The following COPB1 variants were observed in gnomAD, a reference collection of about 807,000 sequenced individuals.
COPB1 encodes coat protein complex I subunit beta 1.
Under a neutral mutation model 108.7 loss-of-function variants are expected in COPB1, and 21 were observed. The ratio of observed to expected loss-of-function variants is 0.19; its 90% CI spans 0.14 to 0.28. COPB1 has a LOEUF of 0.28. COPB1 is among the 10% of genes least tolerant of loss of function. The pLI is 1.00. For missense variants in COPB1, 919 were observed against 1,141.3 expected, an observed-to-expected ratio of 0.81 and a Z score of 2.81; for synonymous variants, 378 against 386.8, an observed-to-expected ratio of 0.98 and a Z score of 0.27.
At chr11:14,466,879 C>T (rs1850293870) in intron 16 of COPB1, among the ~76,000 whole-genome samples, 1 of 152,054 alleles carries the variant, frequency 6.6e-6, no homozygotes, top group Admixed American at 6.5e-5. Flanking sequence ...GCCCTTGCTC[C>T]ACAAACTGAG....
In COPB1 at chr11:14,477,389, C is replaced by CAAAAAAAA. The variant is rs61014253; in HGVS notation, c.1359-382_1359-375dup. Among the ~76,000 whole-genome samples the CAAAAAAAA allele has an allele frequency of 7.9e-3, 578 of 73,132 alleles. 2 individuals carry two copies. Among genetic ancestry groups the CAAAAAAAA allele is most frequent in the African/African-American group, 0.011 (205 of 18,778 alleles). 48.0% of individuals were successfully genotyped at this position (73,132 alleles called of 152,430 possible). A position where few individuals can be genotyped will look rare whatever the true frequency, so the allele number is the denominator to read the frequency against. On this transcript the variant is annotated intron_variant, in intron 11 of 21. Transcript: ENST00000439561. ...TGGGTGACAGAGCGAGACTCCGTCT[C>CAAAAAAAA]AAAAAAAAAAAAAAAACAAGGGCCA...
chr11:14,476,762 CT>C (rs10612229), intron 12 of COPB1, among the ~76,000 whole-genome samples, 156 bp downstream of exon 12: 84,544 of 131,020 alleles, frequency 0.65, 26,460 homozygotes, highest in East Asian at 0.69. Context: ...GCTACTGCTT[CT>C]TTTTTTTTTT....
chr11:14,490,376 T>TACA (rs1850870725), intron 5 of COPB1, among the ~76,000 whole-genome samples, 189 bp downstream of exon 5: 1 of 152,172 alleles, frequency 6.6e-6, no homozygotes, highest in Non-Finnish European at 1.5e-5. Flanking sequence ...AAAGAATGTA[T>TACA]ACATATGCAA....
At chr11:14,492,980 T>C (rs1038203249) in intron 4 of COPB1, among the ~76,000 whole-genome samples, 2 of 151,972 alleles carry the variant, frequency 1.3e-5, no homozygotes, top group African/African-American at 4.8e-5. Flanking sequence ...ACCCCATATC[T>C]ACTAAAAATA....
chr11:14,479,454 G>T, intron 11 of COPB1, 115 bp downstream of exon 11: 1 of 946,068 alleles, frequency 1.1e-6, no homozygotes, highest in Non-Finnish European at 1.5e-6. Context: ...GTACAAACTT[G>T]TCTTATTTTG....
At chr11:14,458,400 C>G (rs373893316) in intron 21 of COPB1, 132 bp downstream of exon 21, 1 of 839,010 alleles carries the variant, frequency 1.2e-6, no homozygotes. Context: ...TACTTCTATT[C>G]AGAGTATATT....
intron 4 of COPB1, among the ~76,000 whole-genome samples, chr11:14,492,480 A>G (rs1355910618): frequency 1.3e-5 from 2 of 152,088 alleles, no homozygotes; most frequent in African/African-American, 4.8e-5. Context: ...AGTAGCTAGG[A>G]CTACAGGCAT....
intron 5 of COPB1, 38 bp from the exon 6 acceptor site, chr11:14,488,622 C>T: frequency 7.3e-7 from 1 of 1,377,862 alleles, no homozygotes; most frequent in Non-Finnish European, 1.0e-6. Context: ...TTCTCCACCT[C>T]ATTCAATAGA....
chr11:14,479,509 A>G, intron 11 of COPB1, 60 bp downstream of exon 11: 2 of 1,497,450 alleles, frequency 1.3e-6, no homozygotes, highest in Non-Finnish European at 1.8e-6. Flanking sequence ...CTGACCCTTT[A>G]AAGATAAAAA....
chr11:14,489,006 A>C (rs1010608028), intron 5 of COPB1, among the ~76,000 whole-genome samples: 5 of 152,206 alleles, frequency 3.3e-5, no homozygotes, highest in African/African-American at 1.2e-4. Flanking sequence ...CAGTAAAAGT[A>C]TCAATAAATT....
At chr11:14,482,247 A>C (rs373186818) in intron 8 of COPB1, among the ~76,000 whole-genome samples, 33 of 152,300 alleles carry the variant, frequency 2.2e-4, no homozygotes, top group African/African-American at 7.0e-4. Context: ...ATCTGTCCCA[A>C]TAATGTCCTT....
intron 14 of COPB1, among the ~76,000 whole-genome samples, chr11:14,471,951 T>C (rs1293680430): frequency 6.6e-6 from 1 of 152,078 alleles, no homozygotes; most frequent in African/African-American, 2.4e-5. Flanking sequence ...GATCAAGCTG[T>C]TAGTCTCCAA....
chr11:14,474,182 T>C (rs989671914), intron 14 of COPB1: 2 of 184,182 alleles, frequency 1.1e-5, no homozygotes, highest in Non-Finnish European at 2.3e-5. Flanking sequence ...GAGAAGGACA[T>C]TTCCTTCACT....
In COPB1 at chr11:14,490,651, G is replaced by A; in HGVS notation, c.520C>T (p.Pro174Ser). Residue 174 changes from proline (P) to serine (S), a missense_variant, in exon 5 of 22, where the codon CCT (proline) becomes TCT (serine). Around this residue, in one of 5 missense-constraint regions of COPB1, gnomAD observed 78 missense variants for 95.4 expected, o/e 0.82. Coordinates refer to ENST00000439561, the MANE Select transcript of COPB1 (RefSeq NM_001144061.2). Reference protein sequence around the residue: ...RNFEHLIPDAPELIHDFLVNE... With the variant: ...RNFEHLIPDASELIHDFLVNE... ...ACCAGAAAATCATGTATCAGTTCAGGAGCATCAGGTATAAGATGTTCAAAA... is the reference window on the plus strand; with the variant it reads ...ACCAGAAAATCATGTATCAGTTCAGAAGCATCAGGTATAAGATGTTCAAAA... 3 of 1,611,794 alleles carry A rather than the reference G, an allele frequency of 1.9e-6. No homozygotes were observed. Among genetic ancestry groups the A allele is most frequent in the Non-Finnish European group, 2.5e-6 (3 of 1,178,958 alleles).
chr11:14,486,211 A>C (rs1400722105), intron 7 of COPB1, among the ~76,000 whole-genome samples, 156 bp downstream of exon 7: 1 of 152,248 alleles, frequency 6.6e-6, no homozygotes, highest in Non-Finnish European at 1.5e-5. Context: ...GAAAAGAAGG[A>C]AGGCTGAACA....
chr11:14,470,229 C>CT (rs1850369907), intron 14 of COPB1, among the ~76,000 whole-genome samples: 1 of 152,158 alleles, frequency 6.6e-6, no homozygotes, highest in African/African-American at 2.4e-5. Flanking sequence ...ATCGCACTAA[C>CT]TTTTTTAAAG....
chr11:14,486,606 T>C, intron 6 of COPB1, 102 bp from the exon 7 acceptor site: 1 of 1,410,838 alleles, frequency 7.1e-7, no homozygotes, highest in Non-Finnish European at 9.7e-7. Context: ...GTTTTCTCAA[T>C]ATGAAAGCTA....
chr11:14,497,652 A>C (rs1851052986), intron 2 of COPB1, among the ~76,000 whole-genome samples: 2 of 152,170 alleles, frequency 1.3e-5, no homozygotes, highest in Admixed American at 1.3e-4. Context: ...AAAAACTAAA[A>C]ACAGGGGTAC....
rs183178329 is a variant in COPB1, at chr11:14,458,171, C to T, written c.2803-288G>A. Among the ~76,000 whole-genome samples the T allele has an allele frequency of 1.8e-3, 264 of 150,562 alleles. 1 individual carries two copies. Among genetic ancestry groups the T allele is most frequent in the African/African-American group, 6.1e-3 (251 of 40,818 alleles). ...CTCAGCTCACTGCAACCTCCACCTC[C>T]CGGGTTCAAGCAATTCTCCTGCCTC... On this transcript the variant is annotated intron_variant, in intron 21 of 21. Coordinates refer to ENST00000439561, the MANE Select transcript of COPB1 (RefSeq NM_001144061.2).
Sources: gnomAD v4.1 joint callset for allele counts (sites outside exome capture counted in the v4.1 genomes callset) on GRCh38, gnomAD v4.1.1 for gene constraint, gnomAD v4.1.1 regional missense constraint, MANE v1.5 for transcripts, NCBI Gene and HGNC (gene_info 2026-07-23, HGNC 2026-07-21) for gene names.